The following AGBL1 variants were observed in gnomAD, a reference collection of about 807,000 sequenced individuals.
AGBL1 encodes cytosolic carboxypeptidase 4.
AGBL1 carries 130 observed loss-of-function variants against 118.9 expected under a neutral mutation model. That is an observed-to-expected ratio of 1.09 (90% CI 0.95 to 1.26). AGBL1 has a LOEUF of 1.26. Among genes scored for constraint, AGBL1 ranks in the 50% most tolerant of loss-of-function variants. The pLI, the probability that AGBL1 is intolerant of heterozygous loss-of-function variation, is 0.00. For synonymous variants in AGBL1, 555 were observed against 478.9 expected (o/e 1.16, Z -2.08); for missense variants, 1,584 against 1,298.1 (o/e 1.22, Z -3.38).
chr15:86,503,381 A>G (rs2082938822), intron 18 of AGBL1, among the ~76,000 whole-genome samples: 1 of 151,154 alleles, frequency 6.6e-6, no homozygotes, highest in Admixed American at 6.6e-5. Flanking sequence ...CAAAGAACCA[A>G]CTTTTAGTTC....
At chr15:86,852,673 G>A (rs16978033) in intron 22 of AGBL1, among the ~76,000 whole-genome samples, 5,813 of 152,222 alleles carry the variant, frequency 0.038, 366 homozygotes, top group African/African-American at 0.13. Context: ...GCAGGCCTAT[G>A]GCTGGTTACC....
chr15:86,162,840 C>A (rs764136169), intron 5 of AGBL1, among the ~76,000 whole-genome samples: 2 of 152,296 alleles, frequency 1.3e-5, no homozygotes, highest in African/African-American at 4.8e-5. Context: ...AGGTCTCTCC[C>A]TTCCTCTGGA....
intron 22 of AGBL1, among the ~76,000 whole-genome samples, chr15:86,855,919 T>G (rs1052437224): frequency 6.6e-6 from 1 of 152,224 alleles, no homozygotes; most frequent in Middle Eastern, 3.2e-3. Flanking sequence ...AGGGTCTGAT[T>G]AGCTAGAATG....
intron 21 of AGBL1, among the ~76,000 whole-genome samples, chr15:86,644,832 C>G (rs2085250396): frequency 7.6e-6 from 1 of 132,030 alleles, no homozygotes; most frequent in Non-Finnish European, 1.6e-5. Flanking sequence ...ATGGTGAAAC[C>G]TCATCTCTAC....
intron 20 of AGBL1, among the ~76,000 whole-genome samples, chr15:86,547,960 T>C (rs2083608509): frequency 1.3e-5 from 2 of 152,148 alleles, no homozygotes; most frequent in Non-Finnish European, 2.9e-5. Flanking sequence ...GGGTCCCACA[T>C]AGTATATAAC....
At chr15:86,853,740 C>T (rs1436164901) in intron 22 of AGBL1, among the ~76,000 whole-genome samples, 1 of 152,176 alleles carries the variant, frequency 6.6e-6, no homozygotes, top group Admixed American at 6.5e-5. Context: ...AAACATTTGT[C>T]ACTCTCAAAA....
chr15:86,963,241 A>G (rs1380237562), intron 23 of AGBL1, among the ~76,000 whole-genome samples: 1 of 152,092 alleles, frequency 6.6e-6, no homozygotes, highest in Non-Finnish European at 1.5e-5. Flanking sequence ...TGAGTAGAGA[A>G]AGACATTTAA....
chr15:86,839,294 A>T (rs1391803638), intron 22 of AGBL1, among the ~76,000 whole-genome samples: 1 of 152,212 alleles, frequency 6.6e-6, no homozygotes, highest in East Asian at 1.9e-4. Flanking sequence ...CTGATTTTCT[A>T]CATACATTCT....
intron 17 of AGBL1, among the ~76,000 whole-genome samples, chr15:86,319,342 A>AGTCCAATGAGTATGTGAT: frequency 6.6e-6 from 1 of 152,216 alleles, no homozygotes; most frequent in Non-Finnish European, 1.5e-5. Flanking sequence ...GATTTTTGCC[A>AGTCCAATGAGTATGTGAT]GTCCAATGAG....
chr15:86,610,129 A>T (rs192332873), intron 21 of AGBL1, among the ~76,000 whole-genome samples: 97 of 152,346 alleles, frequency 6.4e-4, no homozygotes, highest in Admixed American at 5.6e-3. Flanking sequence ...CTACCGGTTT[A>T]AAAAGGTGAT....
intron 22 of AGBL1, among the ~76,000 whole-genome samples, chr15:86,680,655 C>T (rs991890867): frequency 2.0e-4 from 30 of 148,650 alleles, no homozygotes; most frequent in African/African-American, 6.7e-4. Context: ...CAACCTCTGC[C>T]TCCTGGGTAC....
intron 17 of AGBL1, among the ~76,000 whole-genome samples, chr15:86,323,407 T>C (rs1342988423): frequency 9.7e-6 from 1 of 103,058 alleles, no homozygotes; most frequent in Non-Finnish European, 2.0e-5. Context: ...TCAGGGAGAG[T>C]CATATTTTGA....
At chr15:86,784,553 C>T (rs932720861) in intron 22 of AGBL1, among the ~76,000 whole-genome samples, 1 of 152,080 alleles carries the variant, frequency 6.6e-6, no homozygotes, top group African/African-American at 2.4e-5. Context: ...CTAGGGAGTA[C>T]CCCAGGTGTC....
intron 21 of AGBL1, among the ~76,000 whole-genome samples, chr15:86,554,773 A>T (rs1292225042): frequency 1.3e-5 from 2 of 152,132 alleles, no homozygotes; most frequent in Non-Finnish European, 1.5e-5. Context: ...AGCTGCCCTC[A>T]CTAGCAAGCA....
chr15:86,655,373 C>T (rs537207832), intron 21 of AGBL1, among the ~76,000 whole-genome samples: 10 of 152,240 alleles, frequency 6.6e-5, no homozygotes, highest in Admixed American at 2.6e-4. Context: ...TACCAATACA[C>T]GCAATGATGT....
At chr15:86,187,974 A>T (rs1301129704) in intron 5 of AGBL1, among the ~76,000 whole-genome samples, 2 of 152,248 alleles carry the variant, frequency 1.3e-5, no homozygotes, top group African/African-American at 4.8e-5. Context: ...TAATAGATAC[A>T]GTACAGAAAG....
intron 23 of AGBL1, among the ~76,000 whole-genome samples, chr15:86,929,011 ACT>A (rs958329239): frequency 1.3e-5 from 2 of 151,036 alleles, no homozygotes; most frequent in Non-Finnish European, 3.0e-5. Flanking sequence ...CCATACTGAA[ACT>A]CTTTTTTTCA....
At chr15:86,841,853 A>G (rs925351920) in intron 22 of AGBL1, among the ~76,000 whole-genome samples, 2 of 152,180 alleles carry the variant, frequency 1.3e-5, no homozygotes, top group African/African-American at 4.8e-5. Context: ...ATCTCAAAAA[A>G]TAAAAATAAA....
intron 22 of AGBL1, among the ~76,000 whole-genome samples, chr15:86,700,974 C>T (rs1163680520): frequency 1.3e-5 from 2 of 152,108 alleles, no homozygotes; most frequent in African/African-American, 2.4e-5. Flanking sequence ...GAGCATCCTC[C>T]CCAGTCGTGC....
Sources: allele counts gnomAD v4.1 joint callset (sites outside exome capture counted in the v4.1 genomes callset), GRCh38; gene constraint gnomAD v4.1.1; transcripts MANE v1.5; gene names NCBI Gene and HGNC (gene_info 2026-07-23, HGNC 2026-07-21).